Variants in TRPM1 observed in about 807,000 individuals in gnomAD.
TRPM1 encodes transient receptor potential cation channel subfamily M member 1.
A neutral mutation model predicts 149.4 loss-of-function variants in TRPM1; 113 were observed. That is an observed-to-expected ratio of 0.76 (90% CI 0.65 to 0.88). The LOEUF (loss-of-function observed/expected upper bound fraction) is 0.88. TRPM1 is among the 40% of genes least tolerant of loss of function. The pLI is 0.00. For missense variants in TRPM1, 1,976 were observed against 2,038.7 expected (o/e 0.97, Z 0.59); for synonymous variants, 741 against 759.5 (o/e 0.98, Z 0.40).
intron 21 of TRPM1, among the ~76,000 whole-genome samples, chr15:31,035,298 G>T (rs1050803449): frequency 1.3e-5 from 2 of 151,996 alleles, no homozygotes; most frequent in African/African-American, 4.8e-5. Flanking sequence ...GCACCACCAC[G>T]ACTGGCTAAT....
intron 3 of TRPM1, among the ~76,000 whole-genome samples, chr15:31,075,880 A>G (rs1181676479): frequency 6.9e-6 from 1 of 145,610 alleles, no homozygotes. Context: ...TTTTCATTCT[A>G]GTTTTTTTTT....
chr15:31,115,550 G>A (rs2035787079), intron 1 of TRPM1, among the ~76,000 whole-genome samples: 2 of 152,116 alleles, frequency 1.3e-5, no homozygotes, highest in South Asian at 4.1e-4. Flanking sequence ...GAGGCTGACT[G>A]TGGACTAGCT....
rs773093403 is a variant in TRPM1, at chr15:31,001,824, A to G, written c.4876T>C (p.Ter1626GlnextTer6). ...KEKASTETEC[*>Q] ...AAAAATTAAAGAAACAAAACAGACT[A>G]GCATTCAGTTTCTGTGGAAGCTTTC... The change falls in exon 28 of 28, where the codon TAG becomes CAG. Residue 1626 changes from the stop codon to glutamine (Q), a stop_lost. Coordinates refer to ENST00000256552, the MANE Select transcript of TRPM1 (RefSeq NM_001252024.2). 1.3e-5 allele frequency: 21 copies of G among 1,610,260 alleles called. No individual in the cohort carries two copies. Among genetic ancestry groups the G allele is most frequent in the Middle Eastern group, 1.7e-4 (1 of 6,060 alleles).
intron 1 of TRPM1, among the ~76,000 whole-genome samples, chr15:31,109,333 C>CAAAAAAAAAAAAAAAAAAAAAA (rs36072024): frequency 4.6e-4 from 15 of 32,294 alleles, no homozygotes; most frequent in East Asian, 9.8e-4. Context: ...GACTCTGCCT[C>CAAAAAAAAAAAAAAAAAAAAAA]AAAAAAAAAA....
intron 22 of TRPM1, 82 bp from the exon 23 acceptor site, chr15:31,031,239 T>C (rs1410508821): frequency 1.3e-6 from 2 of 1,493,010 alleles, no homozygotes; most frequent in East Asian, 2.3e-5. Flanking sequence ...CTGTCTCCAA[T>C]TAAGCACTTC....
chr15:31,080,511 C>A (rs949792274), intron 2 of TRPM1, among the ~76,000 whole-genome samples: 1 of 152,150 alleles, frequency 6.6e-6, no homozygotes, highest in Admixed American at 6.5e-5. Flanking sequence ...AAATAACCCA[C>A]CTGCGTTCCT....
intron 1 of TRPM1, among the ~76,000 whole-genome samples, chr15:31,121,618 T>C (rs920460936): frequency 1.3e-5 from 2 of 152,176 alleles, no homozygotes; most frequent in African/African-American, 4.8e-5. Context: ...TCAAAACTCA[T>C]ACAATGAGAA....
intron 5 of TRPM1, 147 bp from the exon 6 acceptor site, chr15:31,067,334 C>T (rs933802285): frequency 8.1e-7 from 1 of 1,236,876 alleles, no homozygotes; most frequent in African/African-American, 1.5e-5. Flanking sequence ...AAACAAAGTA[C>T]ACTGAAAGTC....
At chr15:31,109,425 A>G (rs918417430) in intron 1 of TRPM1, among the ~76,000 whole-genome samples, 9 of 149,456 alleles carry the variant, frequency 6.0e-5, no homozygotes, top group Non-Finnish European at 1.0e-4. Context: ...GGCCAGGTGC[A>G]GTGGCTCACG....
chr15:31,030,888 T>C, intron 23 of TRPM1, 95 bp downstream of exon 23: 1 of 1,468,106 alleles, frequency 6.8e-7, no homozygotes, highest in Non-Finnish European at 9.5e-7. Flanking sequence ...AAATATTTTT[T>C]ATTTCCAAAT....
chr15:31,106,792 C>G (rs895618411), intron 1 of TRPM1, among the ~76,000 whole-genome samples: 1 of 152,136 alleles, frequency 6.6e-6, no homozygotes, highest in African/African-American at 2.4e-5. Flanking sequence ...AGGCTAGATT[C>G]CGAGAAGTGA....
At chr15:31,151,240 C>A (rs1206988723) in intron 1 of TRPM1, among the ~76,000 whole-genome samples, 1 of 152,220 alleles carries the variant, frequency 6.6e-6, no homozygotes, top group African/African-American at 2.4e-5. Context: ...CTCTAACACT[C>A]TGGTGAGGGT....
intron 1 of TRPM1, among the ~76,000 whole-genome samples, chr15:31,122,041 C>T (rs1030471497): frequency 1.3e-4 from 20 of 152,266 alleles, no homozygotes; most frequent in African/African-American, 4.1e-4. Context: ...GTCTAAAAAT[C>T]GATCATTGTA....
intron 1 of TRPM1, among the ~76,000 whole-genome samples, chr15:31,143,391 GT>G (rs1325825489): frequency 6.6e-6 from 1 of 152,018 alleles, no homozygotes; most frequent in African/African-American, 2.4e-5. Context: ...TTCCAGTTTT[GT>G]TTTGTTGTGT....
At position 31,035,589 on chromosome 15, in the gene TRPM1, A is replaced by T. The variant is rs368621506; in HGVS notation, c.2657T>A (p.Val886Asp). ...DGWPSLQEWIVISYIVSLALE... is the reference protein window; with the variant it reads ...DGWPSLQEWIDISYIVSLALE... ...CGCCAGGCTCACGATGTAGGAGATG[A>T]CGATCCACTCCTGGAGGGACGGCCA... Residue 886 changes from valine to aspartate, a missense_variant, in exon 21 of 28, where the codon GTC becomes GAC. By Grantham distance (152) the Val-to-Asp change is radical. Coordinates refer to ENST00000256552, the MANE Select transcript of TRPM1 (RefSeq NM_001252024.2). The T allele has an allele frequency of 4.7e-5, 76 of 1,614,090 alleles. No individual in the cohort carries two copies. Among genetic ancestry groups the T allele is most frequent in the Non-Finnish European group, 6.4e-5 (75 of 1,180,040 alleles).
At chr15:31,125,483 C>T (rs1433055213) in intron 1 of TRPM1, among the ~76,000 whole-genome samples, 1 of 151,856 alleles carries the variant, frequency 6.6e-6, no homozygotes, top group African/African-American at 2.4e-5. Flanking sequence ...GTAATCCCAG[C>T]ACTTTGGGAG....
chr15:31,105,244 C>G (rs2035586770), upstream of TRPM1, among the ~76,000 whole-genome samples: 1 of 152,232 alleles, frequency 6.6e-6, no homozygotes, highest in Non-Finnish European at 1.5e-5. Context: ...CTGAGAGCCT[C>G]TTTGCTATCT....
intron 1 of TRPM1, among the ~76,000 whole-genome samples, chr15:31,123,417 C>G (rs1350145759): frequency 6.6e-6 from 1 of 152,046 alleles, no homozygotes; most frequent in Admixed American, 6.5e-5. Context: ...AAAATATTTG[C>G]AAAACACACA....
chr15:31,071,470 C>A (rs2034537630), intron 3 of TRPM1, among the ~76,000 whole-genome samples: 1 of 152,134 alleles, frequency 6.6e-6, no homozygotes, highest in South Asian at 2.1e-4. Context: ...TCCCATGGGG[C>A]CAGCCTTGGG....
Sources: allele counts gnomAD v4.1 joint callset (sites outside exome capture counted in the v4.1 genomes callset), GRCh38; gene constraint gnomAD v4.1.1; transcripts MANE v1.5; gene names NCBI Gene and HGNC (gene_info 2026-07-23, HGNC 2026-07-21).